The following TET3 variants were observed in gnomAD, a reference collection of about 807,000 sequenced individuals.
TET3 encodes tet methylcytosine dioxygenase 3, also known as methylcytosine dioxygenase TET3.
In TET3, 19 loss-of-function variants were observed where a neutral mutation model predicts 141.4. The observed-to-expected ratio is 0.13, with a 90% confidence interval of 0.09 to 0.20. The LOEUF is 0.20. Ranked by LOEUF, TET3 falls within the 10% of genes least tolerant of loss-of-function variation. The pLI, the probability that TET3 is intolerant of heterozygous loss-of-function variation, is 1.00. For missense variants in TET3, 1,874 were observed against 2,356.9 expected, an observed-to-expected ratio of 0.80 and a Z score of 4.24; for synonymous variants, 1,043 against 980.9, an observed-to-expected ratio of 1.06 and a Z score of -1.18.
At chr2:74,088,653 A>G (rs1690294952) in intron 7 of TET3, among the ~76,000 whole-genome samples, 1 of 152,126 alleles carries the variant, frequency 6.6e-6, no homozygotes, top group African/African-American at 2.4e-5. Context: ...ACAAAAACAA[A>G]AAAACCCTGC....
intron 4 of TET3, among the ~76,000 whole-genome samples, chr2:74,053,940 C>T (rs1049108506): frequency 2.0e-5 from 3 of 151,946 alleles, no homozygotes; most frequent in Admixed American, 6.6e-5. Flanking sequence ...GGGAATCTGA[C>T]GGTGAGTAGG....
chr2:74,120,074 G>C, the TET3 span, among the ~76,000 whole-genome samples: 1 of 152,180 alleles, frequency 6.6e-6, no homozygotes, highest in African/African-American at 2.4e-5. Flanking sequence ...GGGCCTCTAG[G>C]ACTTTCGATA....
chr2:74,021,745 T>C (rs1480041877), intron 3 of TET3, among the ~76,000 whole-genome samples: 1 of 152,220 alleles, frequency 6.6e-6, no homozygotes, highest in Non-Finnish European at 1.5e-5. Flanking sequence ...CCACGCCCAA[T>C]GGAGTTTGAG....
intron 2 of TET3, among the ~76,000 whole-genome samples, chr2:73,987,254 C>T (rs886868987): frequency 2.6e-5 from 4 of 152,240 alleles, no homozygotes; most frequent in South Asian, 4.1e-4. Context: ...GTTCTTCTTG[C>T]GGTCAAAAAC....
At chr2:73,987,244 GTTC>G (rs1310388367) in intron 2 of TET3, among the ~76,000 whole-genome samples, 2 of 152,204 alleles carry the variant, frequency 1.3e-5, no homozygotes, top group Non-Finnish European at 2.9e-5. Context: ...CCCTATCTTA[GTTC>G]TTCTTGCGGT....
chr2:74,008,455 C>T lies in TET3; in HGVS notation c.360+5289C>T, dbSNP rs570142706. Among the ~76,000 whole-genome samples, 7 of 152,286 alleles carry T rather than the reference C, an allele frequency of 4.6e-5. No homozygotes were observed. In the South Asian group the frequency reaches 1.4e-3, roughly 32 times the overall value. ...TGTAGATGCTGGTGTGGACTTGGAC[C>T]CTGCAAGAGACTAAAGCTCCATTGC... On this transcript the variant is annotated intron_variant, in intron 3 of 11. Coordinates refer to ENST00000409262, the MANE Select transcript of TET3 (RefSeq NM_001287491.2).
At chr2:74,119,020 G>T in the TET3 span, among the ~76,000 whole-genome samples, 1 of 152,112 alleles carries the variant, frequency 6.6e-6, no homozygotes, top group African/African-American at 2.4e-5. Flanking sequence ...ACCCTTCTTT[G>T]ATCTGCAGAC....
intron 5 of TET3, among the ~76,000 whole-genome samples, chr2:74,079,748 C>G (rs1157491853): frequency 2.0e-5 from 3 of 152,158 alleles, no homozygotes; most frequent in Non-Finnish European, 4.4e-5. Flanking sequence ...GCACTCACAC[C>G]CAAGTCTGTC....
At chr2:74,010,854 C>G (rs1685391594) in intron 3 of TET3, among the ~76,000 whole-genome samples, 1 of 152,192 alleles carries the variant, frequency 6.6e-6, no homozygotes, top group African/African-American at 2.4e-5. Context: ...TGAGACTGTT[C>G]CATGAGTTCA....
chr2:74,035,201 C>CAA lies in TET3; in HGVS notation c.361-11058_361-11057dup, dbSNP rs35642768. Among the ~76,000 whole-genome samples the CAA allele has an allele frequency of 2.4e-3, 154 of 65,462 alleles. 1 individual carries two copies. Among genetic ancestry groups the CAA allele is most frequent in the African/African-American group, 8.7e-3 (143 of 16,470 alleles). The allele number at this position is 65,462 out of a possible 152,430, so 42.9% of individuals were successfully genotyped here. On this transcript the variant is annotated intron_variant, in intron 3 of 11. Transcript: ENST00000409262. ...TGGGCAACAGAGTGAGACTCCGTCT[C>CAA]AAAAAAAAAAAAAAAAAAAAGTTAT...
chr2:74,011,518 C>T (rs1685433040), intron 3 of TET3, among the ~76,000 whole-genome samples: 1 of 152,196 alleles, frequency 6.6e-6, no homozygotes, highest in Admixed American at 6.5e-5. Context: ...TGTGGGTGCT[C>T]CTGAAACTGA....
intron 4 of TET3, among the ~76,000 whole-genome samples, chr2:74,061,009 C>T (rs576111678): frequency 0.046 from 7,060 of 152,212 alleles, 243 homozygotes; most frequent in Middle Eastern, 0.071. Context: ...CATCATGGCC[C>T]GTTCTCAATG....
intron 4 of TET3, among the ~76,000 whole-genome samples, chr2:74,052,556 C>CAA (rs70965779): frequency 0.027 from 2,536 of 92,346 alleles, 115 homozygotes; most frequent in African/African-American, 0.089. Context: ...TTCCTATAGC[C>CAA]AAAAAAAAAA....
At chr2:74,092,830 C>G in intron 8 of TET3, 72 bp from the exon 9 acceptor site, 1 of 1,340,496 alleles carries the variant, frequency 7.5e-7, no homozygotes, top group Non-Finnish European at 1.0e-6. Context: ...TCAGGAATGC[C>G]AGTCCACTTC....
rs965772218 is a variant in TET3, at chr2:74,060,779, G to A, written c.2494+12368G>A. Reference sequence around the variant, plus strand: ...TGTTTAACAAAGCACATCTTGCACCGCCCTTAATCCATTTAACCCTGAGTG... The same window carrying A: ...TGTTTAACAAAGCACATCTTGCACCACCCTTAATCCATTTAACCCTGAGTG... On this transcript the variant is annotated intron_variant, in intron 4 of 11. Coordinates refer to ENST00000409262, the MANE Select transcript of TET3 (RefSeq NM_001287491.2). Among the ~76,000 whole-genome samples the A allele has an allele frequency of 3.3e-5, 5 of 152,282 alleles. No individual in the cohort carries two copies. In the South Asian group the frequency reaches 6.2e-4, roughly 19 times the overall value.
At chr2:74,038,582 A>G (rs1687187241) in intron 3 of TET3, among the ~76,000 whole-genome samples, 1 of 152,172 alleles carries the variant, frequency 6.6e-6, no homozygotes, top group African/African-American at 2.4e-5. Context: ...CCATGTGTGC[A>G]TTGTAATGGG....
At chr2:74,012,907 G>A (rs1685532590) in intron 3 of TET3, among the ~76,000 whole-genome samples, 1 of 151,404 alleles carries the variant, frequency 6.6e-6, no homozygotes, top group Admixed American at 6.6e-5. Flanking sequence ...CTTTTGTCAT[G>A]TCTGTTTAGC....
rs1691508209 is a variant in TET3, at chr2:74,106,415, A to AT, written c.*4243dup. The stretch of plus-strand genomic sequence containing the variant: ...TAGGCATTCTCATAGCCAGGGACAG[A>AT]TTTTCTCCTGCAGCCCAGGGTGCTA... On this transcript the variant is annotated 3_prime_UTR_variant, in exon 12 of 12. Coordinates refer to ENST00000409262, the MANE Select transcript of TET3 (RefSeq NM_001287491.2). 6.5e-6 allele frequency: 1 copy of AT among 153,508 alleles called. No homozygotes were observed. Among genetic ancestry groups the AT allele is most frequent in the African/African-American group, 2.4e-5 (1 of 41,326 alleles). 9.5% of individuals were successfully genotyped at this position (153,508 alleles called of 1,614,324 possible). A position where few individuals can be genotyped will look rare whatever the true frequency, so the allele number is the denominator to read the frequency against.
the TET3 span, among the ~76,000 whole-genome samples, chr2:74,124,627 C>T: frequency 6.6e-6 from 1 of 152,120 alleles, no homozygotes; most frequent in Non-Finnish European, 1.5e-5. Flanking sequence ...AACCTTACCC[C>T]CAACCCCGTG....
Sources: gnomAD v4.1 joint callset for allele counts (sites outside exome capture counted in the v4.1 genomes callset) on GRCh38, gnomAD v4.1.1 for gene constraint, MANE v1.5 for transcripts, NCBI Gene and HGNC (gene_info 2026-07-23, HGNC 2026-07-21) for gene names.